The following TLE1 variants were observed in gnomAD, a reference collection of about 807,000 sequenced individuals.
TLE1 encodes transducin-like enhancer protein 1.
A neutral mutation model predicts 89.8 loss-of-function variants in TLE1; 21 were observed. The observed-to-expected ratio is 0.23, with a 90% CI of 0.17 to 0.34. The LOEUF (loss-of-function observed/expected upper bound fraction) is 0.34, where lower values mean the gene tolerates loss of function less well. TLE1 is among the 10% of genes least tolerant of loss of function. TLE1 has a pLI of 1.00. For synonymous variants in TLE1, 447 were observed against 407.6 expected (o/e 1.10, Z -1.16); for missense variants, 795 against 1,031.2 (o/e 0.77, Z 3.14).
At position 81,587,833 on chromosome 9, in the gene TLE1, T is replaced by C. The variant is rs1828743240; in HGVS notation, c.1830-5A>G. On this transcript the variant is annotated splice_region_variant and splice_polypyrimidine_tract_variant and intron_variant, in intron 16 of 19. Transcript: ENST00000376499. ...TCTGTGTGGCCCTGGAATTGCCTGA[T>C]AAAACAAACCAGATTGAATAATGAT... 6 of 1,613,226 alleles carry C rather than the reference T, an allele frequency of 3.7e-6. No homozygotes were observed. The East Asian group carries it at 1.3e-4, about 36-fold the overall frequency.
At chr9:81,595,375 A>G (rs1293724944) in intron 14 of TLE1, among the ~76,000 whole-genome samples, 1 of 152,206 alleles carries the variant, frequency 6.6e-6, no homozygotes, top group Non-Finnish European at 1.5e-5. Flanking sequence ...TTCATGTCCT[A>G]CAAGAATTCT....
intron 8 of TLE1, among the ~76,000 whole-genome samples, chr9:81,628,078 T>G (rs1826117817): frequency 6.6e-6 from 1 of 152,288 alleles, no homozygotes; most frequent in African/African-American, 2.4e-5. Context: ...AAAATTGTTT[T>G]AATTTAAAAA....
At chr9:81,597,045 G>A (rs749046937) in intron 14 of TLE1, among the ~76,000 whole-genome samples, 1 of 152,174 alleles carries the variant, frequency 6.6e-6, no homozygotes, top group Non-Finnish European at 1.5e-5. Flanking sequence ...GCTGTTAAAT[G>A]AACCTCTCTC....
In TLE1 at chr9:81,620,538, G is replaced by A. The variant is rs1196263487; in HGVS notation, c.614C>T (p.Pro205Leu). ...EPGTSNSLLV[P>L]DSLRGTDKRR... is the part of the protein sequence containing the mutation. The stretch of plus-strand genomic sequence containing the variant: ...TTTATCTGTGCCTCTTAGACTGTCT[G>A]GGACCAGGAGGGAATTACTCTGCAA... Residue 205 changes from proline to leucine, a missense_variant, in exon 9 of 20, where the codon CCA becomes CTA. Around this residue, in one of 4 missense-constraint regions of TLE1, gnomAD observed 468 missense variants for 509.1 expected, o/e 0.92. Transcript: ENST00000376499. 2 of 1,611,186 alleles carry A rather than the reference G, an allele frequency of 1.2e-6. No individual in the cohort carries two copies. Among genetic ancestry groups the A allele is most frequent in the Non-Finnish European group, 1.7e-6 (2 of 1,179,348 alleles).
At chr9:81,684,920 T>G (rs953934254) in intron 4 of TLE1, among the ~76,000 whole-genome samples, 2 of 152,210 alleles carry the variant, frequency 1.3e-5, no homozygotes, top group African/African-American at 4.8e-5. Context: ...TCTTCTCTTA[T>G]GAGGTCCTTA....
At chr9:81,681,167 G>A (rs1270991618) in intron 4 of TLE1, among the ~76,000 whole-genome samples, 2 of 152,044 alleles carry the variant, frequency 1.3e-5, no homozygotes, top group African/African-American at 2.4e-5. Context: ...AATATCACAT[G>A]GAGCTCTTTC....
intron 14 of TLE1, among the ~76,000 whole-genome samples, chr9:81,602,896 A>T (rs1262304921): frequency 6.6e-6 from 1 of 152,096 alleles, no homozygotes; most frequent in Non-Finnish European, 1.5e-5. Context: ...CAGATGTCAG[A>T]GGGAATGGGA....
intron 4 of TLE1, among the ~76,000 whole-genome samples, chr9:81,672,954 T>A (rs1488243030): frequency 6.6e-6 from 1 of 152,106 alleles, no homozygotes; most frequent in Admixed American, 6.6e-5. Flanking sequence ...TTGGCCAAAG[T>A]AAGACATTTT....
chr9:81,654,388 T>G (rs1439307757), intron 4 of TLE1, among the ~76,000 whole-genome samples: 1 of 152,180 alleles, frequency 6.6e-6, no homozygotes, highest in East Asian at 1.9e-4. Flanking sequence ...TCGCCCAGGC[T>G]GGAGTGCAGT....
intron 4 of TLE1, among the ~76,000 whole-genome samples, chr9:81,677,375 C>A (rs938947258): frequency 1.3e-5 from 2 of 151,960 alleles, no homozygotes; most frequent in African/African-American, 4.8e-5. Context: ...ACCATCCTGG[C>A]TAACATGATG....
At chr9:81,616,880 T>G (rs983205298) in intron 9 of TLE1, among the ~76,000 whole-genome samples, 181 bp from the exon 10 acceptor site, 2 of 152,184 alleles carry the variant, frequency 1.3e-5, no homozygotes, top group Admixed American at 1.3e-4. Context: ...CCTCTTCTCA[T>G]CTGACCTGGG....
At chr9:81,642,530 T>C (rs558484607) in intron 6 of TLE1, among the ~76,000 whole-genome samples, 1 of 147,632 alleles carries the variant, frequency 6.8e-6, no homozygotes, top group South Asian at 2.2e-4. Context: ...CGTCTCTACT[T>C]AAAAAAAAAA....
In TLE1 at chr9:81,688,258, G is replaced by A. The variant is rs749162611; in HGVS notation, c.-18C>T. On this transcript the variant is annotated 5_prime_UTR_variant, in exon 1 of 20. Coordinates refer to ENST00000376499, the MANE Select transcript of TLE1 (RefSeq NM_005077.5). ...GGGAACATCGCTCTGGCGGCGGCCG[G>A]GGCTCTGTTCCCCGGCAACTCAATT... The A allele has an allele frequency of 3.8e-6, 6 of 1,576,656 alleles. No individual in the cohort carries two copies. Among genetic ancestry groups the A allele is most frequent in the East Asian group, 2.5e-5 (1 of 40,004 alleles).
At chr9:81,674,016 T>C (rs1832583888) in intron 4 of TLE1, among the ~76,000 whole-genome samples, 1 of 152,106 alleles carries the variant, frequency 6.6e-6, no homozygotes, top group South Asian at 2.1e-4. Context: ...ACCTTTTTAT[T>C]TTCACTCACT....
At chr9:81,614,360 G>A (rs1207048176) in intron 11 of TLE1, among the ~76,000 whole-genome samples, 2 of 152,176 alleles carry the variant, frequency 1.3e-5, no homozygotes, top group Non-Finnish European at 2.9e-5. Flanking sequence ...AAGAGTCACT[G>A]CCCACTTGCC....
chr9:81,611,829 C>A lies in TLE1; in HGVS notation c.1194G>T (p.Ser398=). The A allele has an allele frequency of 1.3e-6, 2 of 1,560,086 alleles. No homozygotes were observed. The highest frequency in any genetic ancestry group is 1.7e-6 in the Non-Finnish European group (2 of 1,157,952). The change falls in exon 13 of 20, where the codon TCG becomes TCT. Residue 398 remains serine (S), a synonymous_variant. Transcript: ENST00000376499. ...GAAYASLHNM[S]PQMSAAAAAA... ...CGGCGGCTGCGGCGCTCATCTGGGG[C>A]GACATGTTGTGTAAACTGGCGTAGG...
At chr9:81,633,833 A>G in intron 7 of TLE1, 1 of 498,932 alleles carries the variant, frequency 2.0e-6, no homozygotes, top group Non-Finnish European at 3.5e-6. Flanking sequence ...ATAATATGGT[A>G]CAGGCCACTG....
chr9:81,604,531 G>A (rs1372917609), intron 14 of TLE1, among the ~76,000 whole-genome samples: 2 of 152,190 alleles, frequency 1.3e-5, no homozygotes, highest in Non-Finnish European at 2.9e-5. Context: ...AAGTTCCAGG[G>A]AGACAGATTC....
chr9:81,645,777 A>C (rs1828784907), intron 6 of TLE1, among the ~76,000 whole-genome samples: 1 of 152,192 alleles, frequency 6.6e-6, no homozygotes, highest in African/African-American at 2.4e-5. Context: ...AATAAAAATA[A>C]ATGCTTGAGG....
Sources: gnomAD v4.1 joint callset for allele counts (sites outside exome capture counted in the v4.1 genomes callset) on GRCh38, gnomAD v4.1.1 for gene constraint, gnomAD v4.1.1 regional missense constraint, MANE v1.5 for transcripts, NCBI Gene and HGNC (gene_info 2026-07-23, HGNC 2026-07-21) for gene names.